The following RANBP2 variants were observed in gnomAD, a reference collection of about 807,000 sequenced individuals.
RANBP2 encodes E3 SUMO-protein ligase RanBP2.
In RANBP2, 57 loss-of-function variants were observed where a neutral mutation model predicts 303.6. The observed-to-expected ratio is 0.19, with a 90% confidence interval of 0.15 to 0.23. The LOEUF is 0.23. RANBP2 is among the 10% of genes least tolerant of loss of function. RANBP2 has a pLI of 1.00. For synonymous variants in RANBP2, 1,167 were observed against 1,301.5 expected (o/e 0.90, Z 2.23); for missense variants, 3,138 against 3,780.8 (o/e 0.83, Z 4.46).
intron 24 of RANBP2, among the ~76,000 whole-genome samples, chr2:108,776,772 A>G (rs947121442): frequency 6.6e-6 from 1 of 152,294 alleles, no homozygotes; most frequent in South Asian, 2.1e-4. Context: ...TTTTATACAG[A>G]TGTTTCCTAA....
the RANBP2 span, among the ~76,000 whole-genome samples, chr2:109,242,620 T>C: frequency 2.0e-5 from 3 of 152,210 alleles, no homozygotes; most frequent in African/African-American, 7.2e-5. Context: ...GACTTTTCCT[T>C]ACTGGGCTGT....
At chr2:108,754,818 A>T in intron 15 of RANBP2, 87 bp from the exon 16 acceptor site, 2 of 1,592,302 alleles carry the variant, frequency 1.3e-6, no homozygotes, top group Non-Finnish European at 1.7e-6. Flanking sequence ...GCAAAAATGT[A>T]AATAAGATAA....
chr2:108,782,865 A>G lies in RANBP2; in HGVS notation c.9369+3A>G. 1 of 1,608,546 alleles carries G rather than the reference A, an allele frequency of 6.2e-7. No homozygotes were observed. The highest frequency in any genetic ancestry group is 8.5e-7 in the Non-Finnish European group (1 of 1,176,860). The stretch of plus-strand genomic sequence containing the variant: ...TAATTCCAGATTTTGTTTGCCAAGT[A>G]GGTATTATTAAGTACATACCACAAT... On this transcript the variant is annotated splice_donor_region_variant and intron_variant, in intron 28 of 28. Coordinates refer to ENST00000283195, the MANE Select transcript of RANBP2 (RefSeq NM_006267.5).
chr2:109,306,415 C>T, the RANBP2 span, among the ~76,000 whole-genome samples: 1 of 152,220 alleles, frequency 6.6e-6, no homozygotes, highest in South Asian at 2.1e-4. Context: ...CCGGGGCTTC[C>T]GATTCCATCC....
the RANBP2 span, among the ~76,000 whole-genome samples, chr2:109,051,078 G>A: frequency 6.6e-6 from 1 of 152,154 alleles, no homozygotes; most frequent in Admixed American, 6.5e-5. Context: ...GCTCTGAAAT[G>A]CATGCTTCCT....
At chr2:109,414,685 C>G in the RANBP2 span, among the ~76,000 whole-genome samples, 2 of 152,202 alleles carry the variant, frequency 1.3e-5, no homozygotes, top group African/African-American at 4.8e-5. Flanking sequence ...TACCAGCACC[C>G]TCATCATCCA....
At chr2:109,369,782 C>A in the RANBP2 span, among the ~76,000 whole-genome samples, 4 of 152,190 alleles carry the variant, frequency 2.6e-5, no homozygotes, top group Admixed American at 2.0e-4. Context: ...GGACACCAAA[C>A]CCTACGGCCC....
At chr2:109,601,243 C>G in the RANBP2 span, among the ~76,000 whole-genome samples, 1 of 152,206 alleles carries the variant, frequency 6.6e-6, no homozygotes, top group Non-Finnish European at 1.5e-5. Flanking sequence ...CAGCCCCATC[C>G]TTAAGCTACC....
the RANBP2 span, among the ~76,000 whole-genome samples, chr2:109,264,861 A>T: frequency 6.6e-6 from 1 of 152,210 alleles, no homozygotes; most frequent in Non-Finnish European, 1.5e-5. Context: ...TTCCTGTTGG[A>T]CAGACATCTT....
At chr2:109,487,637 A>G in the RANBP2 span, among the ~76,000 whole-genome samples, 1 of 152,160 alleles carries the variant, frequency 6.6e-6, no homozygotes, top group South Asian at 2.1e-4. Context: ...GCCTGACTGC[A>G]TATACTCTCA....
At chr2:109,361,800 G>A in the RANBP2 span, among the ~76,000 whole-genome samples, 1 of 152,282 alleles carries the variant, frequency 6.6e-6, no homozygotes, top group South Asian at 2.1e-4. Flanking sequence ...TCTTGTATGA[G>A]TTTTAGCAGA....
chr2:109,515,838 G>C, the RANBP2 span, among the ~76,000 whole-genome samples: 6 of 152,040 alleles, frequency 3.9e-5, no homozygotes, highest in Non-Finnish European at 8.8e-5. Context: ...GATCTCATAT[G>C]AACTAACAGA....
At chr2:109,526,395 C>T in the RANBP2 span, among the ~76,000 whole-genome samples, 1 of 152,168 alleles carries the variant, frequency 6.6e-6, no homozygotes, top group South Asian at 2.1e-4. Context: ...GCAACCTCCA[C>T]CTCTGGGGTT....
the RANBP2 span, among the ~76,000 whole-genome samples, chr2:109,496,911 G>A: frequency 6.6e-6 from 1 of 152,218 alleles, no homozygotes; most frequent in Admixed American, 6.5e-5. Flanking sequence ...GAGAGGCAGA[G>A]GAGAAGGTCA....
the RANBP2 span, among the ~76,000 whole-genome samples, chr2:108,891,143 A>G: frequency 6.6e-6 from 1 of 152,226 alleles, no homozygotes; most frequent in African/African-American, 2.4e-5. Context: ...CAATATTTCA[A>G]ATTTTTTATC....
chr2:109,300,808 A>T, the RANBP2 span, among the ~76,000 whole-genome samples: 1 of 152,148 alleles, frequency 6.6e-6, no homozygotes, highest in African/African-American at 2.4e-5. Flanking sequence ...CATCACCTAG[A>T]GTGTCATTAC....
At chr2:109,180,798 C>T in the RANBP2 span, among the ~76,000 whole-genome samples, 1 of 152,298 alleles carries the variant, frequency 6.6e-6, no homozygotes, top group Non-Finnish European at 1.5e-5. Flanking sequence ...TCTGGTATGT[C>T]TATCAGCAGT....
At chr2:108,821,025 A>AT in the RANBP2 span, among the ~76,000 whole-genome samples, 2 of 151,808 alleles carry the variant, frequency 1.3e-5, no homozygotes, top group African/African-American at 4.8e-5. Context: ...TATTAAAAAA[A>AT]ACTGTAAGTC....
the RANBP2 span, among the ~76,000 whole-genome samples, chr2:109,225,891 G>A: frequency 4.6e-5 from 7 of 152,144 alleles, no homozygotes; most frequent in Admixed American, 1.3e-4. Context: ...TCAGCCTCCC[G>A]AGTAGCTGGG....
Sources: allele counts gnomAD v4.1 joint callset (sites outside exome capture counted in the v4.1 genomes callset), GRCh38; gene constraint gnomAD v4.1.1; transcripts MANE v1.5; gene names NCBI Gene and HGNC (gene_info 2026-07-23, HGNC 2026-07-21).